The following CAMTA1 variants were observed in gnomAD, a reference collection of about 807,000 sequenced individuals.
CAMTA1 encodes the protein calmodulin-binding transcription activator 1.
A neutral mutation model predicts 170.9 loss-of-function variants in CAMTA1; 27 were observed. The observed-to-expected ratio is 0.16, with a 90% confidence interval of 0.12 to 0.22. The LOEUF (loss-of-function observed/expected upper bound fraction) is 0.22, where lower values mean the gene tolerates loss of function less well. Among genes scored for constraint, CAMTA1 ranks in the 10% least tolerant of loss-of-function variants. CAMTA1 has a pLI of 1.00. For missense variants in CAMTA1, 1,619 were observed against 2,217.2 expected (o/e 0.73, Z 5.42); for synonymous variants, 833 against 891.5 (o/e 0.93, Z 1.17).
intron 4 of CAMTA1, among the ~76,000 whole-genome samples, chr1:7,179,951 G>T (rs865821621): frequency 2.6e-5 from 4 of 152,120 alleles, no homozygotes; most frequent in Non-Finnish European, 5.9e-5. Flanking sequence ...CTAAATATGG[G>T]TTTTTAAAAC....
At chr1:7,483,620 C>T (rs1467592342) in intron 6 of CAMTA1, among the ~76,000 whole-genome samples, 1 of 152,156 alleles carries the variant, frequency 6.6e-6, no homozygotes, top group Non-Finnish European at 1.5e-5. Context: ...CCTCAGGCTG[C>T]CGGGGCCCAG....
chr1:7,129,645 G>C lies in CAMTA1; in HGVS notation c.302+38274G>C, dbSNP rs139109910. 1.7e-4 allele frequency among the ~76,000 whole-genome samples: 26 copies of C among 152,298 alleles called. No homozygotes were observed. In the East Asian group the frequency reaches 5.0e-3, roughly 29 times the overall value. ...ATTTGTTCATTTATAGTTTTATCAA[G>C]ATGTAATTGATGTAAATAAACTGTA... On this transcript the variant is annotated intron_variant, in intron 4 of 22. Transcript: ENST00000303635.
intron 5 of CAMTA1, among the ~76,000 whole-genome samples, chr1:7,346,265 A>G (rs2084211264): frequency 1.3e-5 from 2 of 152,122 alleles, no homozygotes; most frequent in African/African-American, 4.8e-5. Context: ...GTGACCTTGG[A>G]CAGGTTTCTC....
intron 9 of CAMTA1, among the ~76,000 whole-genome samples, chr1:7,668,653 AGC>A (rs900426706): frequency 1.3e-5 from 2 of 151,988 alleles, no homozygotes; most frequent in African/African-American, 4.8e-5. Flanking sequence ...CCACCAGTTC[AGC>A]GCAGCCAGGC....
intron 4 of CAMTA1, among the ~76,000 whole-genome samples, chr1:7,136,355 A>G (rs1249444127): frequency 3.3e-5 from 5 of 152,020 alleles, no homozygotes; most frequent in African/African-American, 1.2e-4. Flanking sequence ...CCTGGCTGCA[A>G]CCACCCCTTT....
intron 4 of CAMTA1, among the ~76,000 whole-genome samples, chr1:7,111,885 CAAAAAAAAAAAAAA>C (rs66460647): frequency 4.0e-5 from 3 of 75,634 alleles, no homozygotes; most frequent in African/African-American, 1.4e-4. Flanking sequence ...ACTCCATCTC[CAAAAAAAAAAAAAA>C]AAAAAAAAAA....
intron 4 of CAMTA1, among the ~76,000 whole-genome samples, chr1:7,235,694 T>C (rs903537149): frequency 6.6e-6 from 1 of 152,194 alleles, no homozygotes; most frequent in African/African-American, 2.4e-5. Flanking sequence ...AAGCACCAGC[T>C]TCTGGGCCCT....
intron 3 of CAMTA1, among the ~76,000 whole-genome samples, chr1:6,953,515 G>A (rs61780893): frequency 0.049 from 7,431 of 152,292 alleles, 267 homozygotes; most frequent in South Asian, 0.14. Context: ...GCTCAGGGCC[G>A]CCTTGCTCAG....
intron 6 of CAMTA1, among the ~76,000 whole-genome samples, chr1:7,590,813 G>A (rs2095349808): frequency 6.6e-6 from 1 of 152,252 alleles, no homozygotes; most frequent in Admixed American, 6.5e-5. Flanking sequence ...AGAGAGAGGG[G>A]AGTTTCCCCA....
In CAMTA1 at chr1:7,482,448, TAA is replaced by T. The variant is rs1423865404; in HGVS notation, c.510+14549_510+14550del. Among the ~76,000 whole-genome samples, 1 of 152,158 alleles carries T rather than the reference TAA, an allele frequency of 6.6e-6. No homozygotes were observed. The highest frequency in any genetic ancestry group is 1.5e-5 in the Non-Finnish European group (1 of 68,026). On this transcript the variant is annotated intron_variant, in intron 6 of 22. Transcript: ENST00000303635. The surrounding 1 kb of genome is among the most constrained non-coding windows in gnomAD (Gnocchi z 4.2). ...CACGAGCACAAGCGTCAGCACTCGG[TAA>T]AGACACCAGAATGGATGCGCTCTCC... is the stretch of plus-strand genomic sequence containing the variant.
At chr1:7,545,813 T>A (rs966995873) in intron 6 of CAMTA1, among the ~76,000 whole-genome samples, 8 of 152,128 alleles carry the variant, frequency 5.3e-5, no homozygotes, top group Non-Finnish European at 1.0e-4. Flanking sequence ...CAGCATCCAT[T>A]AGCTATTCTT....
chr1:7,707,843 CTCT>C (rs2096538496), intron 11 of CAMTA1, among the ~76,000 whole-genome samples: 1 of 152,172 alleles, frequency 6.6e-6, no homozygotes, highest in Non-Finnish European at 1.5e-5. Context: ...GAGTCTTCTC[CTCT>C]TCTTGAGTGA....
chr1:6,988,621 C>T (rs929547094), intron 3 of CAMTA1, among the ~76,000 whole-genome samples: 4 of 151,802 alleles, frequency 2.6e-5, no homozygotes, highest in African/African-American at 4.8e-5. Context: ...CCCTGCGCCA[C>T]GGCAGTTGGC....
chr1:7,429,139 C>A (rs139029205), intron 5 of CAMTA1, among the ~76,000 whole-genome samples: 222 of 152,288 alleles, frequency 1.5e-3, no homozygotes, highest in African/African-American at 5.2e-3. Flanking sequence ...GCGATTAGAG[C>A]CCCACCACCT....
chr1:6,798,370 A>T (rs915757533), intron 1 of CAMTA1, among the ~76,000 whole-genome samples: 1 of 152,160 alleles, frequency 6.6e-6, no homozygotes, highest in African/African-American at 2.4e-5. Flanking sequence ...AATTTATGAA[A>T]AGTTATGGGC....
At chr1:7,453,661 T>C (rs189814567) in intron 5 of CAMTA1, among the ~76,000 whole-genome samples, 109 of 152,310 alleles carry the variant, frequency 7.2e-4, no homozygotes, top group African/African-American at 2.3e-3. Flanking sequence ...GTACTGGCCA[T>C]AAAAGCCATG....
At chr1:7,632,883 G>A (rs1000133097) in intron 6 of CAMTA1, among the ~76,000 whole-genome samples, 1 of 152,238 alleles carries the variant, frequency 6.6e-6, no homozygotes, top group Non-Finnish European at 1.5e-5. Flanking sequence ...TGCGGGAGGT[G>A]CAGAGCTCAG....
intron 6 of CAMTA1, among the ~76,000 whole-genome samples, chr1:7,552,326 C>A (rs12562733): frequency 6.6e-6 from 1 of 152,150 alleles, no homozygotes; most frequent in Non-Finnish European, 1.5e-5. Context: ...TGCAAGGTGC[C>A]GTAAAGTGTG....
intron 4 of CAMTA1, among the ~76,000 whole-genome samples, chr1:7,153,980 A>G (rs1646723753): frequency 6.6e-6 from 1 of 152,238 alleles, no homozygotes; most frequent in Non-Finnish European, 1.5e-5. Flanking sequence ...ATGTGGGCAC[A>G]GCCATCTCCC....
Sources: gnomAD v4.1 joint callset for allele counts (sites outside exome capture counted in the v4.1 genomes callset) on GRCh38, gnomAD v4.1.1 for gene constraint, Gnocchi (gnomAD v3.1) non-coding constraint, MANE v1.5 for transcripts, NCBI Gene and HGNC (gene_info 2026-07-23, HGNC 2026-07-21) for gene names.